TULP4: variants seen among roughly 807,000 people sequenced by gnomAD.
TULP4 encodes the protein tubby-related protein 4.
A neutral mutation model predicts 129.0 loss-of-function variants in TULP4; 16 were observed. The observed-to-expected ratio is 0.12, with a 90% CI of 0.08 to 0.19. The LOEUF (loss-of-function observed/expected upper bound fraction) is 0.19, where lower values mean the gene tolerates loss of function less well. TULP4 is among the 10% of genes least tolerant of loss of function. The probability of loss-of-function intolerance (pLI) is 1.00; values close to 1 mark genes in which losing one functional copy is unlikely to be tolerated. For missense variants in TULP4, 1,842 were observed against 2,059.1 expected, an observed-to-expected ratio of 0.89 and a Z score of 2.04; for synonymous variants, 998 against 854.0, an observed-to-expected ratio of 1.17 and a Z score of -2.94.
At chr6:158,480,123 A>C (rs1779906519) in intron 7 of TULP4, 148 bp downstream of exon 7, 2 of 635,568 alleles carry the variant, frequency 3.1e-6, no homozygotes, top group South Asian at 4.1e-5. Flanking sequence ...CCAGGTCTGC[A>C]GTCTGTCGAA....
chr6:158,436,106 G>A (rs1467011004), intron 3 of TULP4, among the ~76,000 whole-genome samples: 2 of 152,010 alleles, frequency 1.3e-5, no homozygotes, highest in African/African-American at 2.4e-5. Flanking sequence ...TAGTAAAGAC[G>A]GGGTTGGCTA....
intron 3 of TULP4, among the ~76,000 whole-genome samples, chr6:158,444,180 A>T (rs563502629): frequency 8.3e-6 from 1 of 119,888 alleles, no homozygotes; most frequent in Non-Finnish European, 1.6e-5. Context: ...AGATTGCACC[A>T]CTGTACTCCA....
intron 1 of TULP4, among the ~76,000 whole-genome samples, chr6:158,305,859 G>A (rs1779209854): frequency 6.6e-6 from 1 of 152,042 alleles, no homozygotes; most frequent in South Asian, 2.1e-4. Context: ...CCTTACTAGT[G>A]TTGATTTGAC....
chr6:158,448,573 C>T (rs1779102344), intron 3 of TULP4, among the ~76,000 whole-genome samples: 2 of 152,138 alleles, frequency 1.3e-5, no homozygotes, highest in South Asian at 2.1e-4. Flanking sequence ...TTTGGTCAAA[C>T]ATAAACCTAA....
At chr6:158,237,702 T>G in intron 1 of TULP4, 1 of 1,016,772 alleles carries the variant, frequency 9.8e-7, no homozygotes, top group Non-Finnish European at 1.6e-6. Context: ...AATCTCCCTT[T>G]CCTTGTTCCT....
At position 158,383,369 on chromosome 6, in the gene TULP4, C is replaced by T. The variant is rs116665757; in HGVS notation, c.253-29696C>T. On this transcript the variant is annotated intron_variant, in intron 1 of 13. Coordinates refer to ENST00000367097, the MANE Select transcript of TULP4 (RefSeq NM_020245.5). ...TAACATGGGATGATTATATCTACTT[C>T]TATGGTACTGTTGTGAGAATTATAA... Among the ~76,000 whole-genome samples, 1,498 of 152,116 alleles carry T rather than the reference C, an allele frequency of 9.8e-3. 30 individuals carry two copies. Among genetic ancestry groups the T allele is most frequent in the African/African-American group, 0.033 (1,352 of 41,398 alleles).
chr6:158,306,001 A>G (rs1779211967), intron 1 of TULP4, among the ~76,000 whole-genome samples: 1 of 152,204 alleles, frequency 6.6e-6, no homozygotes, highest in African/African-American at 2.4e-5. Flanking sequence ...GGTATTGATA[A>G]AATTGGCACC....
chr6:158,481,151 G>T lies in TULP4; in HGVS notation c.1348G>T (p.Asp450Tyr), dbSNP rs748147077. Residue 450 changes from aspartate to tyrosine, a missense_variant, in exon 8 of 14, where the codon GAC (aspartate) becomes TAC (tyrosine). Asp to Tyr is a radical substitution (Grantham distance 160). This residue lies in a region of TULP4 where 456 missense variants were observed against 534.3 expected (regional missense o/e 0.85). Coordinates refer to ENST00000367097, the MANE Select transcript of TULP4 (RefSeq NM_020245.5). ...LHCTMKRTEDDPEVGGPCYTL... is the reference protein window; with the variant it reads ...LHCTMKRTEDYPEVGGPCYTL... ...CTGCACCATGAAGCGCACAGAGGAC[G>T]ACCCGGAGGTGGGCGGCCCGTGCTA... 1 of 1,613,902 alleles carries T rather than the reference G, an allele frequency of 6.2e-7. No individual in the cohort carries two copies.
intron 2 of TULP4, among the ~76,000 whole-genome samples, chr6:158,417,065 A>G (rs1378981904): frequency 1.3e-5 from 2 of 152,220 alleles, no homozygotes; most frequent in Non-Finnish European, 2.9e-5. Flanking sequence ...GAATTGCCTA[A>G]TGACATACTT....
chr6:158,428,005 C>T (rs955049482), intron 2 of TULP4: 9 of 152,112 alleles, frequency 5.9e-5, no homozygotes, highest in Admixed American at 5.2e-4. Flanking sequence ...TGCCTGTAAT[C>T]CCAGCTACTC....
At chr6:158,294,657 C>T (rs1231725481) in intron 1 of TULP4, among the ~76,000 whole-genome samples, 2 of 152,006 alleles carry the variant, frequency 1.3e-5, no homozygotes, top group Non-Finnish European at 2.9e-5. Flanking sequence ...AGGAAATTCT[C>T]CTCCTCCTCC....
rs146902126 is a variant in TULP4 at position 158,244,894 on chromosome 6, T to G, written n.68+12591T>G. ...ACATAAAAGAAACAAAATAAATTTC[T>G]GTTGTTTAAGCCACTCAGTTTATGG... On this transcript the variant is annotated intron_variant and non_coding_transcript_variant, in intron 1 of 1. Coordinates refer to the TULP4 transcript ENST00000620026. Among the ~76,000 whole-genome samples the G allele has an allele frequency of 5.2e-3, 793 of 152,302 alleles. 6 individuals carry two copies. Among genetic ancestry groups the G allele is most frequent in the African/African-American group, 0.018 (757 of 41,564 alleles).
At chr6:158,494,688 G>A (rs891931664) in intron 10 of TULP4, 65 bp from the exon 11 acceptor site, 1 of 1,432,974 alleles carries the variant, frequency 7.0e-7, no homozygotes, top group Non-Finnish European at 9.8e-7. Context: ...CATTCTTACT[G>A]AGTGACCAGT....
intron 1 of TULP4, among the ~76,000 whole-genome samples, chr6:158,383,313 T>A (rs1777370282): frequency 6.6e-6 from 1 of 152,240 alleles, no homozygotes; most frequent in Non-Finnish European, 1.5e-5. Context: ...TTGGTAAATG[T>A]TATGAAATCT....
At chr6:158,497,971 A>C (rs1442703119) in intron 11 of TULP4, among the ~76,000 whole-genome samples, 1 of 152,266 alleles carries the variant, frequency 6.6e-6, no homozygotes, top group African/African-American at 2.4e-5. Flanking sequence ...TGTGAAACTT[A>C]AATTCAGATT....
At chr6:158,407,589 C>CT (rs1009459351) in intron 1 of TULP4, among the ~76,000 whole-genome samples, 3 of 151,932 alleles carry the variant, frequency 2.0e-5, no homozygotes, top group Non-Finnish European at 4.4e-5. Flanking sequence ...TTCATAATAG[C>CT]TAAAAGTTGA....
chr6:158,348,315 T>A (rs932030374), intron 1 of TULP4, among the ~76,000 whole-genome samples: 1 of 151,876 alleles, frequency 6.6e-6, no homozygotes, highest in Non-Finnish European at 1.5e-5. Context: ...TAGGCAGAGG[T>A]CCCTGCGGCC....
intron 1 of TULP4, among the ~76,000 whole-genome samples, chr6:158,257,086 A>G (rs6919362): frequency 2.6e-5 from 4 of 151,950 alleles, no homozygotes; most frequent in African/African-American, 9.7e-5. Context: ...GATCAGGCTT[A>G]GTAGCCTGAT....
intron 1 of TULP4, among the ~76,000 whole-genome samples, chr6:158,243,847 G>GGTTGTGT (rs1554273473): frequency 1.4e-5 from 2 of 143,510 alleles, no homozygotes; most frequent in South Asian, 4.5e-4. Context: ...AGCTGAAATA[G>GGTTGTGT]GTGTGTGTGT....
Sources: gnomAD v4.1 joint callset for allele counts (sites outside exome capture counted in the v4.1 genomes callset) on GRCh38, gnomAD v4.1.1 for gene constraint, gnomAD v4.1.1 regional missense constraint, MANE v1.5 for transcripts, NCBI Gene and HGNC (gene_info 2026-07-23, HGNC 2026-07-21) for gene names.